The following RAB6C variants were observed in gnomAD, a reference collection of about 807,000 sequenced individuals.
RAB6C encodes RAB6C, member RAS oncogene family, also known as ras-related protein Rab-6C.
RAB6C carries 8 observed loss-of-function variants against 17.2 expected under a neutral mutation model. The ratio of observed to expected loss-of-function variants is 0.46; its 90% CI spans 0.27 to 0.84. The LOEUF (loss-of-function observed/expected upper bound fraction) is 0.84, where lower values mean the gene tolerates loss of function less well. Ranked by LOEUF, RAB6C falls within the 40% of genes least tolerant of loss-of-function variation. RAB6C has a pLI of 0.13. For synonymous variants in RAB6C, 78 were observed against 118.9 expected, an observed-to-expected ratio of 0.66 and a Z score of 2.24; for missense variants, 151 against 306.5, an observed-to-expected ratio of 0.49 and a Z score of 3.79.
At position 129,982,701 on chromosome 2, in the gene RAB6C, G is replaced by C. The variant is rs1263316216; in HGVS notation, c.*1821G>C. On this transcript the variant is annotated 3_prime_UTR_variant, in exon 1 of 1. Transcript: ENST00000410061. ...AAGGGTTGACTCTTTGTTTTATTTT[G>C]ACATGGCATGTCCTGAAATAAATAT... 6.0e-6 allele frequency: 1 copy of C among 167,044 alleles called. No homozygotes were observed. Among genetic ancestry groups the C allele is most frequent in the African/African-American group, 2.4e-5 (1 of 41,438 alleles). 10.3% of individuals were successfully genotyped at this position (167,044 alleles called of 1,614,324 possible). A position where few individuals can be genotyped will look rare whatever the true frequency, so the allele number is the denominator to read the frequency against.
chr2:129,982,661 A>G lies in RAB6C; in HGVS notation c.*1781A>G, dbSNP rs1413286686. On this transcript the variant is annotated 3_prime_UTR_variant, in exon 1 of 1. Transcript: ENST00000410061. ...TTATAAAGTGCTTTTATAATACAAT[A>G]TAATTGCTAAAGGCAAGGGTTGACT... is the stretch of plus-strand genomic sequence containing the variant. 1.2e-5 allele frequency: 2 copies of G among 167,156 alleles called. No homozygotes were observed. The highest frequency in any genetic ancestry group is 1.3e-4 in the Admixed American group (2 of 15,296). The allele number at this position is 167,156 out of a possible 1,614,324, so 10.4% of individuals were successfully genotyped here. A position where few individuals can be genotyped will look rare whatever the true frequency, so the allele number is the denominator to read the frequency against.
rs1202755944 is a variant in RAB6C, at chr2:129,980,042, T to C, written c.-74T>C. 2 of 1,608,530 alleles carry C rather than the reference T, an allele frequency of 1.2e-6. No homozygotes were observed. Among genetic ancestry groups the C allele is most frequent in the African/African-American group, 2.7e-5 (2 of 73,428 alleles). On this transcript the variant is annotated 5_prime_UTR_variant, in exon 1 of 1. Transcript: ENST00000410061. ...GCGCCCGCCCTTCCGCTCGCCTTTT[T>C]CGTCAGCCGGCTGGAGGAGCATCGG...
Position 129,982,590 on chromosome 2 carries a change from T to G in RAB6C, c.*1710T>G. On this transcript the variant is annotated 3_prime_UTR_variant, in exon 1 of 1. Transcript: ENST00000410061. The stretch of plus-strand genomic sequence containing the variant: ...TGAATAGAGAAATGCTTACAGATAA[T>G]CATTAGCCCACATACCAGTAACTTA... The G allele has an allele frequency of 6.0e-6, 1 of 167,226 alleles. No homozygotes were observed. The allele number at this position is 167,226 out of a possible 1,614,324, so 10.4% of individuals were successfully genotyped here. A position where few individuals can be genotyped will look rare whatever the true frequency, so the allele number is the denominator to read the frequency against.
Position 129,981,714 on chromosome 2 carries a change from A to C in RAB6C, c.*834A>C, listed in dbSNP as rs1681767288. The C allele has an allele frequency of 6.0e-6, 1 of 167,120 alleles. No homozygotes were observed. The highest frequency in any genetic ancestry group is 6.5e-5 in the Admixed American group (1 of 15,292). 10.4% of individuals were successfully genotyped at this position (167,120 alleles called of 1,614,324 possible). On this transcript the variant is annotated 3_prime_UTR_variant, in exon 1 of 1. Transcript: ENST00000410061. ...ATACTATGCAGGCAAGACACCATAA[A>C]AGTTTAATTCCTTACAGAAGAACCA...
rs561425245 is a variant in RAB6C, at chr2:129,982,269, T to C, written c.*1389T>C. On this transcript the variant is annotated 3_prime_UTR_variant, in exon 1 of 1. Coordinates refer to ENST00000410061, the MANE Select transcript of RAB6C (RefSeq NM_032144.3). ...ACTAGGAGTGTGCCCTTTTAATCTT[T>C]ACTAGTTATTGTGAGATTGCTGTGT... The C allele has an allele frequency of 9.0e-5, 15 of 167,180 alleles. 1 individual carries two copies. In the South Asian group the frequency reaches 1.4e-3, roughly 16 times the overall value. 10.4% of individuals were successfully genotyped at this position (167,180 alleles called of 1,614,324 possible). A position where few individuals can be genotyped will look rare whatever the true frequency, so the allele number is the denominator to read the frequency against.
rs4233601 is a variant in RAB6C at position 129,980,005 on chromosome 2, G to T, written c.-111G>T. 2.0e-6 allele frequency: 3 copies of T among 1,479,956 alleles called. No homozygotes were observed. Among genetic ancestry groups the T allele is most frequent in the Non-Finnish European group, 2.7e-6 (3 of 1,101,116 alleles). 91.7% of individuals were successfully genotyped at this position (1,479,956 alleles called of 1,614,324 possible). A position where few individuals can be genotyped will look rare whatever the true frequency, so the allele number is the denominator to read the frequency against. On this transcript the variant is annotated 5_prime_UTR_variant, in exon 1 of 1. Coordinates refer to ENST00000410061, the MANE Select transcript of RAB6C (RefSeq NM_032144.3). ...CTCCTCCACCGGCCCTTGCAGGGGC[G>T]CAGAGAGCTCGGCGCCCGCCCTTCC...
rs1234241455 is a variant in RAB6C, at chr2:129,980,309, G to C, written c.194G>C (p.Arg65Pro). The change falls in exon 1 of 1, where the codon CGG becomes CCG. Residue 65 changes from arginine (R) to proline (P), a missense_variant. This residue lies in a region of RAB6C where 15 missense variants were observed against 106.6 expected (regional missense o/e 0.14). Transcript: ENST00000410061. ...MYLEDGTIGL[R>P]LWDTAGQERL... ...TTGGAGGATGGAACAATCGGGCTTCGGCTGTGGGATACGGCGGGTCAGGAA... is the reference window on the plus strand; with the variant it reads ...TTGGAGGATGGAACAATCGGGCTTCCGCTGTGGGATACGGCGGGTCAGGAA... 2 of 1,610,840 alleles carry C rather than the reference G, an allele frequency of 1.2e-6. No individual in the cohort carries two copies. The highest frequency in any genetic ancestry group is 1.7e-6 in the Non-Finnish European group (2 of 1,178,212).
At position 129,980,568 on chromosome 2, in the gene RAB6C, G is replaced by C. The variant is rs1245827736; in HGVS notation, c.453G>C (p.Thr151=). ...GGAAAGCCAAAGGGCTGAATGTTAC[G>C]TTTATTGAAACTAGGGCAAAAGCTG... ...GERKAKGLNV[T]FIETRAKAGY... The change falls in exon 1 of 1, where the codon ACG becomes ACC. Residue 151 remains threonine (T), a synonymous_variant. Transcript: ENST00000410061. The C allele has an allele frequency of 8.7e-6, 14 of 1,614,036 alleles. No individual in the cohort carries two copies. Among genetic ancestry groups the C allele is most frequent in the Non-Finnish European group, 1.2e-5 (14 of 1,180,018 alleles).
Position 129,980,602 on chromosome 2 carries a change from G to A in RAB6C, c.487G>A (p.Val163Ile). The change falls in exon 1 of 1, where the codon GTA becomes ATA. Residue 163 changes from valine to isoleucine, a missense_variant. By Grantham distance (29) the Val-to-Ile change is conservative. Coordinates refer to ENST00000410061, the MANE Select transcript of RAB6C (RefSeq NM_032144.3). ...AACTAGGGCAAAAGCTGGATACAAT[G>A]TAAAGCAGCTCTTTCGACGTGTAGC... ...IETRAKAGYN[V>I]KQLFRRVAAA... 6.2e-7 allele frequency: 1 copy of A among 1,613,440 alleles called. No individual in the cohort carries two copies. The highest frequency in any genetic ancestry group is 8.5e-7 in the Non-Finnish European group (1 of 1,179,778).
Position 129,980,496 on chromosome 2 carries a change from A to G in RAB6C, c.381A>G (p.Arg127=), listed in dbSNP as rs1433117804. The G allele has an allele frequency of 1.2e-6, 2 of 1,614,230 alleles. No homozygotes were observed. Among genetic ancestry groups the G allele is most frequent in the South Asian group, 1.1e-5 (1 of 91,086 alleles). ...SDVIITLVGN[R]TDLADKRQVS... is the part of the protein sequence containing the mutation. The stretch of plus-strand genomic sequence containing the variant: ...TTATCATCACGCTAGTAGGAAATAG[A>G]ACAGATCTTGCTGACAAGAGGCAAG... The change falls in exon 1 of 1, where the codon AGA becomes AGG. Residue 127 remains arginine (R), a synonymous_variant. Coordinates refer to ENST00000410061, the MANE Select transcript of RAB6C (RefSeq NM_032144.3).
chr2:129,981,579 A>G lies in RAB6C; in HGVS notation c.*699A>G, dbSNP rs1410172020. The G allele has an allele frequency of 1.8e-5, 3 of 167,112 alleles. No individual in the cohort carries two copies. Among genetic ancestry groups the G allele is most frequent in the Admixed American group, 6.5e-5 (1 of 15,278 alleles). The allele number at this position is 167,112 out of a possible 1,614,324, so 10.4% of individuals were successfully genotyped here. ...TGGTAAGATAATGAAGTTCTAATGA[A>G]CTATTTCTCCCAAGGTTTTAAAATT... On this transcript the variant is annotated 3_prime_UTR_variant, in exon 1 of 1. Coordinates refer to ENST00000410061, the MANE Select transcript of RAB6C (RefSeq NM_032144.3).
rs901050781 is a variant in RAB6C, at chr2:129,982,119, T to C, written c.*1239T>C. 1 of 166,484 alleles carries C rather than the reference T, an allele frequency of 6.0e-6. No homozygotes were observed. The highest frequency in any genetic ancestry group is 2.4e-5 in the African/African-American group (1 of 40,936). The allele number at this position is 166,484 out of a possible 1,614,324, so 10.3% of individuals were successfully genotyped here. A position where few individuals can be genotyped will look rare whatever the true frequency, so the allele number is the denominator to read the frequency against. On this transcript the variant is annotated 3_prime_UTR_variant, in exon 1 of 1. Transcript: ENST00000410061. ...TATTTAAGCTACGATTAATATTTTTTCTTTGGCGATATTTCTTTGCTTTTT... is the reference window on the plus strand; with the variant it reads ...TATTTAAGCTACGATTAATATTTTTCCTTTGGCGATATTTCTTTGCTTTTT...
At position 129,979,919 on chromosome 2, in the gene RAB6C, G is replaced by T; in HGVS notation, c.-197G>T. 1.0e-6 allele frequency: 1 copy of T among 980,082 alleles called. No homozygotes were observed. The highest frequency in any genetic ancestry group is 1.5e-6 in the Non-Finnish European group (1 of 672,014). The allele number at this position is 980,082 out of a possible 1,614,324, so 60.7% of individuals were successfully genotyped here. A position where few individuals can be genotyped will look rare whatever the true frequency, so the allele number is the denominator to read the frequency against. On this transcript the variant is annotated 5_prime_UTR_variant, in exon 1 of 1. Transcript: ENST00000410061. ...GTGCTCGGCTACTCTGCCGGGAGGC[G>T]GCGGCGGCTGCCAGTCTGTGGCGAG...
Position 129,980,378 on chromosome 2 carries a change from C to A in RAB6C, c.263C>A (p.Ala88Glu). 6.2e-7 allele frequency: 1 copy of A among 1,612,586 alleles called. No individual in the cohort carries two copies. Among genetic ancestry groups the A allele is most frequent in the Non-Finnish European group, 8.5e-7 (1 of 1,179,696 alleles). Reference sequence around the variant, plus strand: ...CCCAGGTACATCCGTGATTCTGCTGCAGCTGTAGTAGTTTACGATATCACA... The same window carrying A: ...CCCAGGTACATCCGTGATTCTGCTGAAGCTGTAGTAGTTTACGATATCACA... ...LIPRYIRDSA[A>E]AVVVYDITNV... is the part of the protein sequence containing the mutation. The change falls in exon 1 of 1, where the codon GCA becomes GAA. Residue 88 changes from alanine to glutamate, a missense_variant. Ala to Glu is a moderately radical substitution (Grantham distance 107, BLOSUM62 -1). This residue lies in a region of RAB6C where 136 missense variants were observed against 200.0 expected (regional missense o/e 0.68). Transcript: ENST00000410061.
In RAB6C at chr2:129,981,439, A is replaced by T. The variant is rs1229762666; in HGVS notation, c.*559A>T. On this transcript the variant is annotated 3_prime_UTR_variant, in exon 1 of 1. Transcript: ENST00000410061. ...ATACTGAGTACTTATAAGTAGCAGA[A>T]CATAAAATGTATTTCTGACTAACAC... The T allele has an allele frequency of 1.2e-5, 2 of 170,028 alleles. No individual in the cohort carries two copies. Among genetic ancestry groups the T allele is most frequent in the Non-Finnish European group, 2.9e-5 (2 of 69,916 alleles). 10.5% of individuals were successfully genotyped at this position (170,028 alleles called of 1,614,324 possible).
chr2:129,982,318 T>A lies in RAB6C; in HGVS notation c.*1438T>A, dbSNP rs11674996. 100,192 of 166,854 alleles carry A rather than the reference T, an allele frequency of 0.6. 31,343 individuals carry two copies. Among genetic ancestry groups the A allele is most frequent in the Middle Eastern group, 0.7 (207 of 296 alleles). The allele number at this position is 166,854 out of a possible 1,614,324, so 10.3% of individuals were successfully genotyped here. ...GTAAGCTAATAAACACATTTGTAAATACATTGTTTGCAGGAAGAAAACTTC... is the reference window on the plus strand; with the variant it reads ...GTAAGCTAATAAACACATTTGTAAAAACATTGTTTGCAGGAAGAAAACTTC... On this transcript the variant is annotated 3_prime_UTR_variant, in exon 1 of 1. Coordinates refer to ENST00000410061, the MANE Select transcript of RAB6C (RefSeq NM_032144.3).
Position 129,980,615 on chromosome 2 carries a change from T to C in RAB6C, c.500T>C (p.Phe167Ser). Residue 167 changes from phenylalanine to serine, a missense_variant, in exon 1 of 1, where the codon TTT becomes TCT. By Grantham distance (155) the Phe-to-Ser change is radical. Transcript: ENST00000410061. The stretch of plus-strand genomic sequence containing the variant: ...GCTGGATACAATGTAAAGCAGCTCT[T>C]TCGACGTGTAGCAGCAGCTTTGCCG... The part of the protein sequence containing the change: ...AKAGYNVKQL[F>S]RRVAAALPGM... 6.2e-7 allele frequency: 1 copy of C among 1,613,168 alleles called. No homozygotes were observed. The highest frequency in any genetic ancestry group is 8.5e-7 in the Non-Finnish European group (1 of 1,179,712).
rs1384953492 is a variant in RAB6C at position 129,979,769 on chromosome 2, C to G, written c.-347C>G. 1 of 409,598 alleles carries G rather than the reference C, an allele frequency of 2.4e-6. No individual in the cohort carries two copies. The highest frequency in any genetic ancestry group is 3.9e-5 in the South Asian group (1 of 25,676). The allele number at this position is 409,598 out of a possible 1,614,324, so 25.4% of individuals were successfully genotyped here. A position where few individuals can be genotyped will look rare whatever the true frequency, so the allele number is the denominator to read the frequency against. ...GTTTGGGCTCCGCCACCCTCCGTCTCTCTCCCGCAGGTCTCTGAGCCGGGT... is the reference window on the plus strand; with the variant it reads ...GTTTGGGCTCCGCCACCCTCCGTCTGTCTCCCGCAGGTCTCTGAGCCGGGT... On this transcript the variant is annotated 5_prime_UTR_variant, in exon 1 of 1. Transcript: ENST00000410061.
At position 129,981,016 on chromosome 2, in the gene RAB6C, A is replaced by C. The variant is rs1187656932; in HGVS notation, c.*136A>C. ...TTTCTTAACATTTTTTTCTTTTTTA[A>C]TGTTATGATAATGTACTTCAAAATG... On this transcript the variant is annotated 3_prime_UTR_variant, in exon 1 of 1. Transcript: ENST00000410061. The C allele has an allele frequency of 2.5e-6, 3 of 1,183,018 alleles. No homozygotes were observed. Among genetic ancestry groups the C allele is most frequent in the Middle Eastern group, 2.4e-4 (1 of 4,146 alleles). The allele number at this position is 1,183,018 out of a possible 1,614,324, so 73.3% of individuals were successfully genotyped here. A position where few individuals can be genotyped will look rare whatever the true frequency, so the allele number is the denominator to read the frequency against.
Sources: gnomAD v4.1 joint callset for allele counts on GRCh38, gnomAD v4.1.1 for gene constraint, gnomAD v4.1.1 regional missense constraint, MANE v1.5 for transcripts, NCBI Gene and HGNC (gene_info 2026-07-23, HGNC 2026-07-21) for gene names.